RBFOX1: variants seen among roughly 807,000 people sequenced by gnomAD.
The protein encoded by RBFOX1 is RNA binding protein fox-1 homolog 1.
A neutral mutation model predicts 57.7 loss-of-function variants in RBFOX1; 8 were observed. The observed-to-expected ratio is 0.14, with a 90% CI of 0.08 to 0.25. The LOEUF (loss-of-function observed/expected upper bound fraction) is 0.25, where lower values mean the gene tolerates loss of function less well. Among genes scored for constraint, RBFOX1 ranks in the 10% least tolerant of loss-of-function variants. The pLI, the probability that RBFOX1 is intolerant of heterozygous loss-of-function variation, is 1.00. For missense variants in RBFOX1, 611 were observed against 548.5 expected (o/e 1.11, Z -1.14); for synonymous variants, 326 against 222.4 (o/e 1.47, Z -4.15).
At chr16:6,748,307 A>T (rs1448123122) in intron 3 of RBFOX1, among the ~76,000 whole-genome samples, 1 of 152,052 alleles carries the variant, frequency 6.6e-6, no homozygotes, top group Non-Finnish European at 1.5e-5. Context: ...AAATACATAC[A>T]CACACATATA....
At chr16:5,951,129 A>C (rs2059511419) in intron 4 of RBFOX1, among the ~76,000 whole-genome samples, 1 of 152,140 alleles carries the variant, frequency 6.6e-6, no homozygotes, top group East Asian at 1.9e-4. Flanking sequence ...ATAGAGAGAG[A>C]TATCCTGAAC....
chr16:6,114,363 A>G (rs888622772), intron 1 of RBFOX1, among the ~76,000 whole-genome samples: 4 of 152,236 alleles, frequency 2.6e-5, no homozygotes, highest in Non-Finnish European at 5.9e-5. Context: ...CTCATGCGGC[A>G]TTAAATTGTT....
At chr16:6,074,248 A>G (rs1019458348) in intron 1 of RBFOX1, among the ~76,000 whole-genome samples, 11 of 152,152 alleles carry the variant, frequency 7.2e-5, no homozygotes, top group Non-Finnish European at 5.9e-5. Flanking sequence ...GCGCCCGGCC[A>G]TCAAGCTTCT....
At chr16:7,699,890 T>G (rs766781735) in intron 14 of RBFOX1, among the ~76,000 whole-genome samples, 4 of 152,154 alleles carry the variant, frequency 2.6e-5, no homozygotes, top group African/African-American at 9.7e-5. Context: ...CCCCAAGAAC[T>G]GGTCATTTGG....
rs890186179 is a variant in RBFOX1 at position 6,817,419 on chromosome 16, C to T, written c.-16+162769C>T. 1.8e-4 allele frequency among the ~76,000 whole-genome samples: 28 copies of T among 151,644 alleles called. No individual in the cohort carries two copies. In the East Asian group the frequency reaches 4.3e-3, roughly 23 times the overall value. On this transcript the variant is annotated intron_variant, in intron 3 of 15. Transcript: ENST00000550418. ...GTTTTAAAATTAACTTTTAGCTGGA[C>T]GCAGTGGCTCATGCCTGTAATCCCA...
At chr16:6,897,033 C>G (rs888041601) in intron 3 of RBFOX1, among the ~76,000 whole-genome samples, 2 of 152,102 alleles carry the variant, frequency 1.3e-5, no homozygotes, top group African/African-American at 2.4e-5. Flanking sequence ...TCCCTGTGCC[C>G]AGACCTGAGC....
chr16:5,360,801 C>T lies in RBFOX1; in HGVS notation c.220-106415C>T, dbSNP rs564625906. On this transcript the variant is annotated intron_variant, in intron 1 of 2. Coordinates refer to the RBFOX1 transcript ENST00000585867. ...TACTGATGGATTCAATGAAATCGTA[C>T]AAAAATTTCTTCCATCTTTGCCTCT... Among the ~76,000 whole-genome samples the T allele has an allele frequency of 3.9e-5, 6 of 152,274 alleles. No individual in the cohort carries two copies. The South Asian group carries it at 8.3e-4, about 21-fold the overall frequency.
chr16:6,330,871 T>G (rs2082939744), intron 2 of RBFOX1, among the ~76,000 whole-genome samples: 1 of 152,180 alleles, frequency 6.6e-6, no homozygotes, highest in African/African-American at 2.4e-5. Flanking sequence ...GGGCAAATTC[T>G]CTGGGAGAGG....
chr16:7,218,667 T>TGTGTGTGTGCGC (rs56754802), intron 4 of RBFOX1, among the ~76,000 whole-genome samples: 2 of 148,096 alleles, frequency 1.4e-5, no homozygotes, highest in Non-Finnish European at 3.0e-5. Context: ...TGTGTGTGTG[T>TGTGTGTGTGCGC]GTGTGTGTGT....
intron 3 of RBFOX1, among the ~76,000 whole-genome samples, chr16:6,862,720 C>T (rs562086346): frequency 3.4e-4 from 52 of 152,178 alleles, no homozygotes; most frequent in Non-Finnish European, 7.1e-4. Flanking sequence ...GTCTGTGGCT[C>T]ACACCTGTAA....
intron 4 of RBFOX1, among the ~76,000 whole-genome samples, chr16:5,974,262 T>C (rs1224136990): frequency 6.6e-6 from 1 of 152,184 alleles, no homozygotes; most frequent in Admixed American, 6.5e-5. Context: ...TAGAGTTTCA[T>C]GAATAACTTG....
At chr16:6,524,945 G>A (rs2096558494) in intron 2 of RBFOX1, among the ~76,000 whole-genome samples, 1 of 152,022 alleles carries the variant, frequency 6.6e-6, no homozygotes. Flanking sequence ...AATTATATCG[G>A]CAAGGACCCT....
At chr16:5,340,258 C>T (rs984282413) in intron 1 of RBFOX1, among the ~76,000 whole-genome samples, 2 of 152,098 alleles carry the variant, frequency 1.3e-5, no homozygotes, top group African/African-American at 4.8e-5. Flanking sequence ...CTATTAAGAC[C>T]ATATGTTAAA....
At chr16:5,707,839 T>C (rs2051309879) in intron 3 of RBFOX1, among the ~76,000 whole-genome samples, 1 of 152,160 alleles carries the variant, frequency 6.6e-6, no homozygotes, top group Non-Finnish European at 1.5e-5. Flanking sequence ...GGAAGTAGAG[T>C]AGTAGTTAAG....
intron 3 of RBFOX1, among the ~76,000 whole-genome samples, chr16:5,644,831 A>G (rs1024760759): frequency 6.6e-6 from 1 of 152,208 alleles, no homozygotes; most frequent in Non-Finnish European, 1.5e-5. Context: ...GCCAATTGTG[A>G]ATAATGCCGC....
chr16:7,107,090 C>T (rs1226291911), intron 4 of RBFOX1, among the ~76,000 whole-genome samples: 1 of 151,912 alleles, frequency 6.6e-6, no homozygotes, highest in Admixed American at 6.6e-5. Flanking sequence ...GATATTTAAG[C>T]CTGTTTCGAA....
At chr16:6,774,036 A>G in intron 3 of RBFOX1, 1 of 977,418 alleles carries the variant, frequency 1.0e-6, no homozygotes, top group African/African-American at 1.8e-5. Flanking sequence ...TGCTTTTTCT[A>G]CCTGTAAATG....
chr16:7,236,377 T>C (rs935052534), intron 4 of RBFOX1, among the ~76,000 whole-genome samples: 1 of 152,200 alleles, frequency 6.6e-6, no homozygotes, highest in African/African-American at 2.4e-5. Flanking sequence ...CTATTTTGTC[T>C]AGAGGGGCGT....
chr16:7,660,501 T>C (rs2067453721), intron 12 of RBFOX1, among the ~76,000 whole-genome samples: 1 of 152,256 alleles, frequency 6.6e-6, no homozygotes, highest in African/African-American at 2.4e-5. Context: ...GATGAGGCTT[T>C]ACAAATTATT....
Sources: gnomAD v4.1 joint callset for allele counts (sites outside exome capture counted in the v4.1 genomes callset) on GRCh38, gnomAD v4.1.1 for gene constraint, MANE v1.5 for transcripts, NCBI Gene and HGNC (gene_info 2026-07-23, HGNC 2026-07-21) for gene names.